FBXO34: variants seen among roughly 807,000 people sequenced by gnomAD.
FBXO34 encodes the protein F-box only protein 34.
A neutral mutation model predicts 24.5 loss-of-function variants in FBXO34; 12 were observed. The ratio of observed to expected loss-of-function variants is 0.49; its 90% confidence interval spans 0.31 to 0.79. The LOEUF (loss-of-function observed/expected upper bound fraction) is 0.79, where lower values mean the gene tolerates loss of function less well. Among genes scored for constraint, FBXO34 ranks in the 30% least tolerant of loss-of-function variants. The probability of loss-of-function intolerance (pLI) is 0.04; values close to 1 mark genes in which losing one functional copy is unlikely to be tolerated. For synonymous variants in FBXO34, 320 were observed against 311.9 expected, an observed-to-expected ratio of 1.03 and a Z score of -0.27; for missense variants, 823 against 857.7, an observed-to-expected ratio of 0.96 and a Z score of 0.51.
At chr14:55,316,874 T>A (rs553532705) in intron 1 of FBXO34, among the ~76,000 whole-genome samples, 1 of 152,364 alleles carries the variant, frequency 6.6e-6, no homozygotes, top group South Asian at 2.1e-4. Context: ...CTTGTTTTTC[T>A]TGTTTTTATC....
chr14:55,298,048 A>G (rs181779747), intron 1 of FBXO34, among the ~76,000 whole-genome samples: 45 of 152,308 alleles, frequency 3.0e-4, no homozygotes, highest in African/African-American at 1.0e-3. Flanking sequence ...CAGTAAGTGG[A>G]GGAACATTGT....
At chr14:55,382,104 G>A in the FBXO34 span, 2 of 1,614,108 alleles carry the variant, frequency 1.2e-6, no homozygotes, top group Non-Finnish European at 1.7e-6. Context: ...GTCCTGAGAG[G>A]TAAGTTGTCC....
chr14:55,384,218 A>G, the FBXO34 span, among the ~76,000 whole-genome samples: 1 of 152,260 alleles, frequency 6.6e-6, no homozygotes, highest in African/African-American at 2.4e-5. Context: ...AGATTAAAAC[A>G]GCACAGAAAT....
the FBXO34 span, chr14:55,424,182 A>G: frequency 6.2e-7 from 1 of 1,613,370 alleles, no homozygotes; most frequent in Non-Finnish European, 8.5e-7. Context: ...TTTTCCAGAT[A>G]CAAAGATAAG....
At chr14:55,378,864 T>A in the FBXO34 span, among the ~76,000 whole-genome samples, 1 of 151,934 alleles carries the variant, frequency 6.6e-6, no homozygotes, top group Non-Finnish European at 1.5e-5. Flanking sequence ...TGTCACCACA[T>A]CCAGCTAATT....
At chr14:55,312,774 A>G (rs1394942047) in intron 1 of FBXO34, among the ~76,000 whole-genome samples, 1 of 152,258 alleles carries the variant, frequency 6.6e-6, no homozygotes, top group East Asian at 1.9e-4. Flanking sequence ...CCAAGTCTTG[A>G]GACTGCACAA....
At chr14:55,319,031 T>G (rs1310480480) in intron 1 of FBXO34, among the ~76,000 whole-genome samples, 1 of 152,190 alleles carries the variant, frequency 6.6e-6, no homozygotes, top group Non-Finnish European at 1.5e-5. Context: ...GTTTTGTTGT[T>G]GATGGCCAGT....
the FBXO34 span, chr14:55,413,963 T>A: frequency 2.0e-6 from 1 of 506,820 alleles, no homozygotes; most frequent in Non-Finnish European, 3.9e-6. Flanking sequence ...TTTTCGTAGA[T>A]TCGCATGTAT....
At chr14:55,408,063 T>C in the FBXO34 span, among the ~76,000 whole-genome samples, 1 of 152,236 alleles carries the variant, frequency 6.6e-6, no homozygotes, top group African/African-American at 2.4e-5. Flanking sequence ...GGCATCATGC[T>C]AACCACTTTA....
At chr14:55,412,315 G>C in the FBXO34 span, among the ~76,000 whole-genome samples, 7 of 152,182 alleles carry the variant, frequency 4.6e-5, no homozygotes, top group African/African-American at 1.7e-4. Context: ...TAATCTCTCT[G>C]CGCCTGTTCT....
intron 1 of FBXO34, among the ~76,000 whole-genome samples, chr14:55,285,779 G>T (rs1470024918): frequency 6.6e-6 from 1 of 152,142 alleles, no homozygotes; most frequent in East Asian, 1.9e-4. Context: ...AACACTTGTT[G>T]AACTGAACAC....
intron 1 of FBXO34, among the ~76,000 whole-genome samples, chr14:55,349,452 C>T (rs1177508306): frequency 3.5e-4 from 53 of 151,906 alleles, no homozygotes; most frequent in Admixed American, 3.2e-3. Flanking sequence ...AAGATGGTTA[C>T]AGGAAATTCG....
At chr14:55,394,349 T>A in the FBXO34 span, among the ~76,000 whole-genome samples, 1 of 152,144 alleles carries the variant, frequency 6.6e-6, no homozygotes, top group East Asian at 1.9e-4. Flanking sequence ...GTGTTGAAGA[T>A]CAGTACACAG....
At chr14:55,411,127 A>G in the FBXO34 span, among the ~76,000 whole-genome samples, 2 of 152,218 alleles carry the variant, frequency 1.3e-5, no homozygotes, top group Non-Finnish European at 2.9e-5. Flanking sequence ...CATGTCTGAT[A>G]ACAAAGTCCA....
chr14:55,341,521 C>A (rs150403233), intron 1 of FBXO34, among the ~76,000 whole-genome samples: 1 of 152,138 alleles, frequency 6.6e-6, no homozygotes, highest in African/African-American at 2.4e-5. Context: ...TATTTTCCTT[C>A]AGTTTCTGTA....
intron 1 of FBXO34, among the ~76,000 whole-genome samples, chr14:55,346,184 C>T (rs958197908): frequency 6.6e-6 from 1 of 152,128 alleles, no homozygotes; most frequent in African/African-American, 2.4e-5. Flanking sequence ...GTTCTGTGAA[C>T]AAGCTTTCAA....
the FBXO34 span, among the ~76,000 whole-genome samples, chr14:55,440,772 T>C: frequency 0.028 from 4,332 of 152,228 alleles, 81 homozygotes; most frequent in Non-Finnish European, 0.043. Context: ...GCCTGCAGAT[T>C]TGATTTCCTT....
intron 1 of FBXO34, chr14:55,282,300 G>C (rs905773166): frequency 1.1e-5 from 5 of 445,532 alleles, no homozygotes; most frequent in African/African-American, 1.0e-4. Context: ...GCCAAATTTA[G>C]CTTTTTGACT....
chr14:55,395,084 C>CT, the FBXO34 span: 1 of 503,540 alleles, frequency 2.0e-6, no homozygotes, highest in Non-Finnish European at 4.0e-6. Context: ...TTTGTTTGCA[C>CT]TTTTTTGTCT....
Sources: allele counts gnomAD v4.1 joint callset (sites outside exome capture counted in the v4.1 genomes callset), GRCh38; gene constraint gnomAD v4.1.1; transcripts MANE v1.5; gene names NCBI Gene and HGNC (gene_info 2026-07-23, HGNC 2026-07-21).